LRMDA: variants seen among roughly 807,000 people sequenced by gnomAD.
LRMDA encodes leucine rich melanocyte differentiation associated.
In LRMDA, 18 loss-of-function variants were observed where a neutral mutation model predicts 29.8. The ratio of observed to expected loss-of-function variants is 0.60; its 90% CI spans 0.42 to 0.90. The LOEUF is 0.90. Ranked by LOEUF, LRMDA falls within the 40% of genes least tolerant of loss-of-function variation. The pLI, the probability that LRMDA is intolerant of heterozygous loss-of-function variation, is 0.00. For missense variants in LRMDA, 273 were observed against 273.9 expected, an observed-to-expected ratio of 1.00 and a Z score of 0.02; for synonymous variants, 125 against 109.4, an observed-to-expected ratio of 1.14 and a Z score of -0.89.
chr10:76,283,654 A>ACAACCC (rs1384754048), intron 5 of LRMDA, among the ~76,000 whole-genome samples: 1 of 152,326 alleles, frequency 6.6e-6, no homozygotes, highest in African/African-American at 2.4e-5. Context: ...AATCCTCATA[A>ACAACCC]CAACCCCAGA....
At chr10:76,142,209 G>T (rs1481351381) in intron 5 of LRMDA, among the ~76,000 whole-genome samples, 1 of 151,966 alleles carries the variant, frequency 6.6e-6, no homozygotes, top group South Asian at 2.1e-4. Context: ...GCATGGAATT[G>T]AATTAATCAT....
intron 5 of LRMDA, among the ~76,000 whole-genome samples, chr10:76,300,104 CCAAA>C (rs1174587190): frequency 2.0e-5 from 3 of 152,098 alleles, no homozygotes; most frequent in African/African-American, 7.2e-5. Flanking sequence ...TGAGAATAAA[CCAAA>C]CAATTGAGTG....
intron 5 of LRMDA, among the ~76,000 whole-genome samples, chr10:76,311,895 A>G (rs1840634017): frequency 6.6e-6 from 1 of 152,220 alleles, no homozygotes; most frequent in Admixed American, 6.5e-5. Flanking sequence ...AGACTGTGGT[A>G]TGTATGCAGT....
At chr10:75,948,392 G>A (rs1445504691) in intron 2 of LRMDA, among the ~76,000 whole-genome samples, 1 of 152,152 alleles carries the variant, frequency 6.6e-6, no homozygotes, top group Non-Finnish European at 1.5e-5. Context: ...TAAGGACAGG[G>A]CATATTAGTG....
chr10:76,313,232 G>C (rs1199942010), intron 5 of LRMDA, among the ~76,000 whole-genome samples: 2 of 152,136 alleles, frequency 1.3e-5, no homozygotes, highest in Admixed American at 1.3e-4. Flanking sequence ...GTGACTCCTC[G>C]TGAAACTTTG....
intron 5 of LRMDA, among the ~76,000 whole-genome samples, chr10:76,076,152 G>C (rs1848952793): frequency 6.6e-6 from 1 of 151,808 alleles, no homozygotes; most frequent in Non-Finnish European, 1.5e-5. Context: ...GACCATCCTG[G>C]CTAACACGGT....
In LRMDA at chr10:75,996,095, C is replaced by T. The variant is rs564638786; in HGVS notation, c.132-39913C>T. On this transcript the variant is annotated intron_variant, in intron 2 of 6. Coordinates refer to ENST00000611255, the MANE Select transcript of LRMDA (RefSeq NM_001305581.2). ...CTGAATGTGTGTGTAAAAAGAATCA[C>T]TGTGTTTATAGGCAATCTGTTTACA... is the stretch of plus-strand genomic sequence containing the variant. Among the ~76,000 whole-genome samples, 6 of 152,282 alleles carry T rather than the reference C, an allele frequency of 3.9e-5. No individual in the cohort carries two copies. In the South Asian group the frequency reaches 1.0e-3, roughly 26 times the overall value.
intron 2 of LRMDA, among the ~76,000 whole-genome samples, chr10:75,692,396 T>TAC (rs1161475142): frequency 6.7e-6 from 1 of 148,710 alleles, no homozygotes; most frequent in African/African-American, 2.5e-5. Context: ...TACATATATA[T>TAC]ACACACACAT....
At chr10:76,540,992 A>C (rs116804360) in intron 6 of LRMDA, among the ~76,000 whole-genome samples, 1 of 152,198 alleles carries the variant, frequency 6.6e-6, no homozygotes, top group Admixed American at 6.5e-5. Flanking sequence ...TGAGTCATAT[A>C]GTATCCAGTC....
intron 5 of LRMDA, among the ~76,000 whole-genome samples, chr10:76,148,207 A>G (rs1235669205): frequency 6.6e-6 from 1 of 152,146 alleles, no homozygotes; most frequent in Non-Finnish European, 1.5e-5. Context: ...TACTCTCTTC[A>G]AAGCTGTCAG....
At chr10:75,975,338 G>A (rs61862126) in intron 2 of LRMDA, among the ~76,000 whole-genome samples, 3 of 152,144 alleles carry the variant, frequency 2.0e-5, no homozygotes, top group Admixed American at 1.3e-4. Flanking sequence ...AAACAAAGAC[G>A]ACCCAATAGG....
chr10:76,517,029 T>C (rs548488201), intron 6 of LRMDA, among the ~76,000 whole-genome samples: 1 of 152,258 alleles, frequency 6.6e-6, no homozygotes, highest in Admixed American at 6.5e-5. Context: ...AGTAAGTTGC[T>C]CTAAAGATAT....
intron 2 of LRMDA, among the ~76,000 whole-genome samples, chr10:75,545,538 G>A (rs1349813219): frequency 6.6e-6 from 1 of 152,162 alleles, no homozygotes; most frequent in Non-Finnish European, 1.5e-5. Context: ...TAGGTGTCTG[G>A]CTTACACTAG....
At chr10:76,430,269 C>G (rs1202230404) in intron 6 of LRMDA, among the ~76,000 whole-genome samples, 1 of 152,146 alleles carries the variant, frequency 6.6e-6, no homozygotes, top group African/African-American at 2.4e-5. Flanking sequence ...AATTGCTGCT[C>G]CCTTGCAAAC....
intron 2 of LRMDA, among the ~76,000 whole-genome samples, chr10:75,900,980 G>A (rs768106862): frequency 6.6e-6 from 1 of 152,164 alleles, no homozygotes; most frequent in African/African-American, 2.4e-5. Context: ...GTAGTCCTTG[G>A]CTGGGAGTAT....
At chr10:75,700,393 T>G (rs1219165360) in intron 2 of LRMDA, among the ~76,000 whole-genome samples, 1 of 151,772 alleles carries the variant, frequency 6.6e-6, no homozygotes, top group Non-Finnish European at 1.5e-5. Context: ...TTAGCATCAT[T>G]AATAAATATA....
chr10:75,889,877 T>C (rs971081872), intron 2 of LRMDA, among the ~76,000 whole-genome samples: 9 of 152,198 alleles, frequency 5.9e-5, no homozygotes, highest in African/African-American at 1.9e-4. Flanking sequence ...CTAAGGGCTA[T>C]AGAGGTTTGG....
At chr10:75,563,820 C>A (rs1440340150) in intron 2 of LRMDA, among the ~76,000 whole-genome samples, 3 of 152,136 alleles carry the variant, frequency 2.0e-5, no homozygotes, top group Non-Finnish European at 2.9e-5. Context: ...TCCTGGGTAT[C>A]AGCAGCGGTG....
At chr10:76,132,946 G>GCAT (rs145584083) in intron 5 of LRMDA, among the ~76,000 whole-genome samples, 2,789 of 146,280 alleles carry the variant, frequency 0.019, 126 homozygotes, top group African/African-American at 0.067. Flanking sequence ...GGGACTACAG[G>GCAT]CATCCACCAC....
Sources: gnomAD v4.1 joint callset for allele counts (sites outside exome capture counted in the v4.1 genomes callset) on GRCh38, gnomAD v4.1.1 for gene constraint, MANE v1.5 for transcripts, NCBI Gene and HGNC (gene_info 2026-07-23, HGNC 2026-07-21) for gene names.